The following KIF13A variants were observed in gnomAD, a reference collection of about 807,000 sequenced individuals.
The protein encoded by KIF13A is kinesin-like protein KIF13A.
In KIF13A, 79 loss-of-function variants were observed where a neutral mutation model predicts 212.2. The ratio of observed to expected loss-of-function variants is 0.37; its 90% CI spans 0.31 to 0.45. The LOEUF is 0.45. Among genes scored for constraint, KIF13A ranks in the 20% least tolerant of loss-of-function variants. The pLI, the probability that KIF13A is intolerant of heterozygous loss-of-function variation, is 1.00. For missense variants in KIF13A, 1,901 were observed against 2,209.0 expected, an observed-to-expected ratio of 0.86 and a Z score of 2.79; for synonymous variants, 789 against 808.6, an observed-to-expected ratio of 0.98 and a Z score of 0.41.
rs542446755 is a variant in KIF13A, at chr6:17,793,835, G to A, written c.3222+414C>T. ...AAGCTAAGGTGGGAGGACTGTTTGA[G>A]CCCAGGAGGTCAAGGCTGCAGTGAG... On this transcript the variant is annotated intron_variant, in intron 25 of 38. Coordinates refer to ENST00000259711, the MANE Select transcript of KIF13A (RefSeq NM_022113.6). Among the ~76,000 whole-genome samples, 5 of 151,952 alleles carry A rather than the reference G, an allele frequency of 3.3e-5. No individual in the cohort carries two copies. The South Asian group carries it at 1.0e-3, about 32-fold the overall frequency.
chr6:17,861,581 C>T (rs1472970674), intron 4 of KIF13A, among the ~76,000 whole-genome samples: 2 of 152,212 alleles, frequency 1.3e-5, no homozygotes, highest in African/African-American at 2.4e-5. Context: ...CTACTTACAA[C>T]ACTCTCAACA....
intron 2 of KIF13A, among the ~76,000 whole-genome samples, chr6:17,949,306 T>C (rs1191913217): frequency 1.3e-5 from 2 of 152,192 alleles, no homozygotes; most frequent in African/African-American, 2.4e-5. Context: ...ATGTGACCAA[T>C]GGCTTTGGAG....
intron 4 of KIF13A, among the ~76,000 whole-genome samples, chr6:17,859,072 G>A (rs1768441936): frequency 6.6e-6 from 1 of 152,076 alleles, no homozygotes; most frequent in Admixed American, 6.5e-5. Context: ...TGCTGAATAC[G>A]CTGGAATTAG....
At chr6:17,869,597 A>G (rs1473050377) in intron 4 of KIF13A, among the ~76,000 whole-genome samples, 1 of 151,760 alleles carries the variant, frequency 6.6e-6, no homozygotes, top group Non-Finnish European at 1.5e-5. Context: ...AAGAGCCCAT[A>G]TTCTTCAACT....
chr6:17,893,779 T>C (rs944385302), intron 3 of KIF13A, among the ~76,000 whole-genome samples: 2 of 151,456 alleles, frequency 1.3e-5, no homozygotes, highest in Non-Finnish European at 3.0e-5. Flanking sequence ...CAAGTTTGTA[T>C]CATAAATTCA....
At chr6:17,942,260 C>T (rs1171205592) in intron 2 of KIF13A, among the ~76,000 whole-genome samples, 2 of 151,784 alleles carry the variant, frequency 1.3e-5, no homozygotes, top group Non-Finnish European at 1.5e-5. Context: ...CATGATCATG[C>T]CACTGCACTC....
intron 2 of KIF13A, among the ~76,000 whole-genome samples, chr6:17,935,496 G>C (rs1776377033): frequency 6.6e-6 from 1 of 152,108 alleles, no homozygotes; most frequent in Admixed American, 6.5e-5. Context: ...TCTGGGGCTG[G>C]GGCTGTGCAA....
intron 2 of KIF13A, among the ~76,000 whole-genome samples, chr6:17,910,257 C>T (rs1044297116): frequency 1.3e-5 from 2 of 152,212 alleles, no homozygotes; most frequent in African/African-American, 4.8e-5. Context: ...ATATCGCTAG[C>T]TAGAGAACAT....
intron 2 of KIF13A, among the ~76,000 whole-genome samples, chr6:17,977,621 A>C (rs1780688567): frequency 6.6e-6 from 1 of 152,280 alleles, no homozygotes; most frequent in African/African-American, 2.4e-5. Flanking sequence ...CAATTGCAAC[A>C]GCAAATATTT....
chr6:17,914,675 T>C lies in KIF13A; in HGVS notation c.147-16495A>G, dbSNP rs949262976. On this transcript the variant is annotated intron_variant, in intron 2 of 38. Transcript: ENST00000259711. The surrounding 1 kb of genome is among the most constrained non-coding windows in gnomAD (Gnocchi z 5.9). ...GGTAAAGTGTGTGGCAGGGTCTCTG[T>C]GGAGCAGGGTCTCTGTAGGGTGTTC... is the stretch of plus-strand genomic sequence containing the variant. Among the ~76,000 whole-genome samples, 6 of 152,170 alleles carry C rather than the reference T, an allele frequency of 3.9e-5. No individual in the cohort carries two copies. The highest frequency in any genetic ancestry group is 3.9e-4 in the Admixed American group (6 of 15,274).
intron 22 of KIF13A, among the ~76,000 whole-genome samples, chr6:17,798,489 AAC>A (rs1762225225): frequency 6.6e-6 from 1 of 152,248 alleles, no homozygotes; most frequent in Non-Finnish European, 1.5e-5. Flanking sequence ...GAAAAAGAAA[AAC>A]TTGACAGCCC....
In KIF13A at chr6:17,837,389, G is replaced by C; in HGVS notation, c.942+83C>G. ...ATCAGGAGAGTTCTTTAGGTATTTG[G>C]TTAGCTTTGTACACACCTTTACTCT... is the stretch of plus-strand genomic sequence containing the variant. On this transcript the variant is annotated intron_variant, in intron 10 of 38. Transcript: ENST00000259711. This position sits in a 1 kb window ranked among gnomAD's most constrained non-coding sequence, Gnocchi z 5.4. The C allele has an allele frequency of 1.1e-6, 1 of 907,148 alleles. No homozygotes were observed. Among genetic ancestry groups the C allele is most frequent in the Admixed American group, 2.4e-5 (1 of 41,288 alleles). The allele number at this position is 907,148 out of a possible 1,614,324, so 56.2% of individuals were successfully genotyped here. A position where few individuals can be genotyped will look rare whatever the true frequency, so the allele number is the denominator to read the frequency against.
At chr6:17,800,430 T>C (rs149063704) in intron 20 of KIF13A, among the ~76,000 whole-genome samples, 40 of 151,206 alleles carry the variant, frequency 2.6e-4, no homozygotes, top group Non-Finnish European at 5.0e-4. Flanking sequence ...AGTCATCTAG[T>C]ATCCATGTTT....
At chr6:17,820,110 C>A (rs1218295308) in intron 16 of KIF13A, among the ~76,000 whole-genome samples, 1 of 152,100 alleles carries the variant, frequency 6.6e-6, no homozygotes, top group Non-Finnish European at 1.5e-5. Context: ...GGGGATCTCA[C>A]CCCAAGGTTC....
chr6:17,842,719 A>AT (rs1434964684), intron 9 of KIF13A, among the ~76,000 whole-genome samples: 3 of 151,632 alleles, frequency 2.0e-5, no homozygotes, highest in Middle Eastern at 3.4e-3. Flanking sequence ...TTAAGATAGA[A>AT]TTTTTTTTAA....
In KIF13A at chr6:17,831,125, G is replaced by A. The variant is rs932912255; in HGVS notation, c.1377C>T (p.Asn459=). ...LVNLNADPAL[N]ELLVYYLKDH... is the part of the protein sequence containing the mutation. ...CCTTTAAATAATAAACCAGAAGTTC[G>A]TTAAGAGCAGGGTCTGCATTCAGAT... Residue 459 remains asparagine (N), a synonymous_variant, in exon 13 of 39, where the codon AAC becomes AAT. Coordinates refer to ENST00000259711, the MANE Select transcript of KIF13A (RefSeq NM_022113.6). 9 of 1,612,748 alleles carry A rather than the reference G, an allele frequency of 5.6e-6. No homozygotes were observed. The highest frequency in any genetic ancestry group is 1.3e-5 in the African/African-American group (1 of 74,846).
Position 17,829,517 on chromosome 6 carries a change from A to G in KIF13A, c.1402-1147T>C, listed in dbSNP as rs1359112305. ...TGACACTGATAGCGTCCAATACAGT[A>G]AACACACTGCACCTGGCCTCATGTG... On this transcript the variant is annotated intron_variant, in intron 13 of 38. Transcript: ENST00000259711. The surrounding 1 kb of genome is among the most constrained non-coding windows in gnomAD (Gnocchi z 5.4). 6.6e-6 allele frequency among the ~76,000 whole-genome samples: 1 copy of G among 152,162 alleles called. No homozygotes were observed. Among genetic ancestry groups the G allele is most frequent in the Non-Finnish European group, 1.5e-5 (1 of 68,034 alleles).
Position 17,816,619 on chromosome 6 carries a change from T to C in KIF13A, c.2000+401A>G, listed in dbSNP as rs1763978451. On this transcript the variant is annotated intron_variant, in intron 17 of 38. Coordinates refer to ENST00000259711, the MANE Select transcript of KIF13A (RefSeq NM_022113.6). The surrounding 1 kb of genome is among the most constrained non-coding windows in gnomAD (Gnocchi z 4.3). The stretch of plus-strand genomic sequence containing the variant: ...AGGTGTGAGCCACTGCACCCAGCTA[T>C]AAATCTTAAACTTTCACATTTAGTA... Among the ~76,000 whole-genome samples the C allele has an allele frequency of 6.6e-6, 1 of 152,162 alleles. No individual in the cohort carries two copies. The highest frequency in any genetic ancestry group is 2.4e-5 in the African/African-American group (1 of 41,436).
In KIF13A at chr6:17,829,096, C is replaced by T. The variant is rs532945077; in HGVS notation, c.1402-726G>A. ...CTGAGTAGTTGGGATTACAGGTATG[C>T]GCCACCACGTCTGGCTAATTTTTAT... On this transcript the variant is annotated intron_variant, in intron 13 of 38. Transcript: ENST00000259711. The surrounding 1 kb of genome is among the most constrained non-coding windows in gnomAD (Gnocchi z 5.4). Among the ~76,000 whole-genome samples the T allele has an allele frequency of 9.2e-5, 14 of 152,152 alleles. No homozygotes were observed. The South Asian group carries it at 1.5e-3, about 16-fold the overall frequency.
Sources: allele counts gnomAD v4.1 joint callset (sites outside exome capture counted in the v4.1 genomes callset), GRCh38; gene constraint gnomAD v4.1.1; non-coding constraint Gnocchi (gnomAD v3.1); transcripts MANE v1.5; gene names NCBI Gene and HGNC (gene_info 2026-07-23, HGNC 2026-07-21).